ZBTB20: variants seen among roughly 807,000 people sequenced by gnomAD.
ZBTB20 encodes zinc finger and BTB domain containing 20.
ZBTB20 carries 9 observed loss-of-function variants against 56.9 expected under a neutral mutation model. The observed-to-expected ratio is 0.16, with a 90% CI of 0.10 to 0.28. ZBTB20 has a LOEUF of 0.28. ZBTB20 is among the 10% of genes least tolerant of loss of function. The pLI is 1.00. For synonymous variants in ZBTB20, 417 were observed against 420.7 expected, an observed-to-expected ratio of 0.99 and a Z score of 0.11; for missense variants, 655 against 1,003.0, an observed-to-expected ratio of 0.65 and a Z score of 4.69.
intron 6 of ZBTB20, among the ~76,000 whole-genome samples, chr3:114,621,585 TA>T (rs1180757266): frequency 1.3e-5 from 2 of 152,156 alleles, no homozygotes; most frequent in Admixed American, 6.6e-5. Context: ...CTTATTGGGG[TA>T]ACAACAATTC....
chr3:114,647,931 G>A (rs955000320), intron 6 of ZBTB20, among the ~76,000 whole-genome samples: 1 of 152,094 alleles, frequency 6.6e-6, no homozygotes, highest in Admixed American at 6.5e-5. Context: ...TCCAACTTCT[G>A]TCATTGGAAA....
Position 114,487,351 on chromosome 3 carries a change from A to G in ZBTB20, c.-255+13001T>C, listed in dbSNP as rs149658810. On this transcript the variant is annotated intron_variant, in intron 7 of 11. Coordinates refer to ENST00000675478, the MANE Select transcript of ZBTB20 (RefSeq NM_001348800.3). ...TGACTGTTCAGGTAGAGGATAAGCCATTTCCTAGGCCTGGTTCCTTCCATT... is the reference window on the plus strand; with the variant it reads ...TGACTGTTCAGGTAGAGGATAAGCCGTTTCCTAGGCCTGGTTCCTTCCATT... Among the ~76,000 whole-genome samples the G allele has an allele frequency of 3.5e-3, 534 of 152,302 alleles. 1 individual carries two copies. The highest frequency in any genetic ancestry group is 0.014 in the Middle Eastern group (4 of 294).
At chr3:114,620,945 T>G (rs145998852) in intron 6 of ZBTB20, among the ~76,000 whole-genome samples, 162 of 152,298 alleles carry the variant, frequency 1.1e-3, no homozygotes, top group African/African-American at 3.7e-3. Flanking sequence ...TCAGAAAAAT[T>G]ATGGTTGCTG....
At position 114,315,094 on chromosome 3, in the gene ZBTB20, C is replaced by CA. The variant is rs1284852087; in HGVS notation, c.*23910dup. Reference sequence around the variant, plus strand: ...GAGTATAATGAGAAAAAAAAAGGAACAAACTCCCTCTCAAAACTATTGACC... The same window carrying CA: ...GAGTATAATGAGAAAAAAAAAGGAACAAAACTCCCTCTCAAAACTATTGACC... On this transcript the variant is annotated 3_prime_UTR_variant, in exon 12 of 12. Transcript: ENST00000675478. 6.6e-6 allele frequency: 1 copy of CA among 152,042 alleles called. No homozygotes were observed. The highest frequency in any genetic ancestry group is 2.1e-4 in the South Asian group (1 of 4,826). The allele number at this position is 152,042 out of a possible 1,614,324, so 9.4% of individuals were successfully genotyped here.
Position 114,317,574 on chromosome 3 carries a change from C to CA in ZBTB20, c.*21430dup, listed in dbSNP as rs2078735430. 6.6e-6 allele frequency: 1 copy of CA among 152,188 alleles called. No homozygotes were observed. The highest frequency in any genetic ancestry group is 6.5e-5 in the Admixed American group (1 of 15,290). The allele number at this position is 152,188 out of a possible 1,614,324, so 9.4% of individuals were successfully genotyped here. ...AATGCTTTAAATGTCCAAAGAGTGT[C>CA]ATGAAGGGGTTGAAATGTTTGTGTT... On this transcript the variant is annotated 3_prime_UTR_variant, in exon 12 of 12. Transcript: ENST00000675478.
At chr3:114,833,561 A>C (rs1223555518) in intron 4 of ZBTB20, among the ~76,000 whole-genome samples, 3 of 151,490 alleles carry the variant, frequency 2.0e-5, no homozygotes, top group African/African-American at 7.3e-5. Context: ...ATATGGTTTC[A>C]CTCTATCACC....
intron 11 of ZBTB20, among the ~76,000 whole-genome samples, chr3:114,340,140 C>T (rs1347571987): frequency 1.3e-5 from 2 of 151,946 alleles, no homozygotes; most frequent in African/African-American, 2.4e-5. Flanking sequence ...GCTGAGTAGG[C>T]GGTGGGCAAC....
At chr3:114,932,579 C>T (rs2076395628) in intron 3 of ZBTB20, among the ~76,000 whole-genome samples, 1 of 152,226 alleles carries the variant, frequency 6.6e-6, no homozygotes, top group Non-Finnish European at 1.5e-5. Context: ...TAAGTCATCA[C>T]TCTATTTTCT....
chr3:114,431,789 C>T (rs1012763743), intron 7 of ZBTB20, among the ~76,000 whole-genome samples: 2 of 152,160 alleles, frequency 1.3e-5, no homozygotes, highest in African/African-American at 4.8e-5. Flanking sequence ...ACAGCATTGA[C>T]AGCTACTGCA....
chr3:114,941,257 C>A (rs1319786060), intron 3 of ZBTB20, among the ~76,000 whole-genome samples: 3 of 146,184 alleles, frequency 2.1e-5, no homozygotes, highest in Non-Finnish European at 4.4e-5. Context: ...TCACATACTA[C>A]TCTTCATTTA....
chr3:114,855,270 C>A lies in ZBTB20; in HGVS notation c.-417+45034G>T, dbSNP rs541382782. ...TTATTTAATGGAGGTCTTCAAACTA[C>A]TAGTATAGATTGATTTTGTTATTTC... On this transcript the variant is annotated intron_variant, in intron 4 of 11. Coordinates refer to ENST00000675478, the MANE Select transcript of ZBTB20 (RefSeq NM_001348800.3). 2.0e-5 allele frequency among the ~76,000 whole-genome samples: 3 copies of A among 152,206 alleles called. 1 individual carries two copies. In the East Asian group the frequency reaches 5.8e-4, roughly 29 times the overall value.
intron 6 of ZBTB20, among the ~76,000 whole-genome samples, chr3:114,676,095 G>A (rs1402860653): frequency 6.6e-6 from 1 of 152,188 alleles, no homozygotes; most frequent in African/African-American, 2.4e-5. Context: ...TAGGAAGCCA[G>A]ACTCTGTTAC....
intron 5 of ZBTB20, among the ~76,000 whole-genome samples, chr3:114,708,846 G>T (rs545252404): frequency 1.7e-4 from 26 of 152,210 alleles, no homozygotes; most frequent in Admixed American, 1.0e-3. Context: ...TCTGGGTAGA[G>T]AAATTATAAA....
chr3:114,323,137 T>C lies in ZBTB20; in HGVS notation c.*15868A>G, dbSNP rs1431152453. The C allele has an allele frequency of 6.6e-6, 1 of 152,192 alleles. No individual in the cohort carries two copies. Among genetic ancestry groups the C allele is most frequent in the Non-Finnish European group, 1.5e-5 (1 of 68,030 alleles). 9.4% of individuals were successfully genotyped at this position (152,192 alleles called of 1,614,324 possible). ...TTTATTAACAGTTACTAAAGAGCTG[T>C]CAAACTCTGATTACTTCTAAGATTA... On this transcript the variant is annotated 3_prime_UTR_variant, in exon 12 of 12. Transcript: ENST00000675478.
At chr3:115,017,860 T>C (rs746336373) in intron 2 of ZBTB20, among the ~76,000 whole-genome samples, 3 of 151,518 alleles carry the variant, frequency 2.0e-5, no homozygotes, top group Non-Finnish European at 4.4e-5. Context: ...CATACATATA[T>C]ACAACACATA....
Position 114,397,434 on chromosome 3 carries a change from T to C in ZBTB20, c.-254-8329A>G, listed in dbSNP as rs371188376. ...CATTATTTTATTTCCTCAGGATATA[T>C]CTTTTCCCATGTTCCCTTCGTATCT... On this transcript the variant is annotated intron_variant, in intron 7 of 11. Coordinates refer to ENST00000675478, the MANE Select transcript of ZBTB20 (RefSeq NM_001348800.3). Among the ~76,000 whole-genome samples the C allele has an allele frequency of 8.6e-5, 13 of 151,692 alleles. No individual in the cohort carries two copies. The East Asian group carries it at 1.7e-3, about 20-fold the overall frequency.
rs566457651 is a variant in ZBTB20 at position 114,654,854 on chromosome 3, T to C, written c.-295+38674A>G. 2.0e-3 allele frequency among the ~76,000 whole-genome samples: 305 copies of C among 152,348 alleles called. 1 individual carries two copies. Among genetic ancestry groups the C allele is most frequent in the African/African-American group, 7.2e-3 (299 of 41,594 alleles). Reference sequence around the variant, plus strand: ...TTTGTGTCTACATGTTTATGACTTATGCATTCATGATAATTTCACACATAT... The same window carrying C: ...TTTGTGTCTACATGTTTATGACTTACGCATTCATGATAATTTCACACATAT... On this transcript the variant is annotated intron_variant, in intron 6 of 11. Coordinates refer to ENST00000675478, the MANE Select transcript of ZBTB20 (RefSeq NM_001348800.3).
chr3:114,397,321 A>G (rs530456042), intron 7 of ZBTB20, among the ~76,000 whole-genome samples: 2 of 118,622 alleles, frequency 1.7e-5, no homozygotes, highest in Admixed American at 1.6e-4. Flanking sequence ...TCAGTTGATG[A>G]GCTAGCATCC....
At chr3:114,803,104 T>C (rs905301891) in intron 4 of ZBTB20, among the ~76,000 whole-genome samples, 2 of 151,588 alleles carry the variant, frequency 1.3e-5, no homozygotes, top group East Asian at 1.9e-4. Context: ...TCTTCTCCAC[T>C]TTCACTTTCT....
Sources: allele counts gnomAD v4.1 joint callset (sites outside exome capture counted in the v4.1 genomes callset), GRCh38; gene constraint gnomAD v4.1.1; transcripts MANE v1.5; gene names NCBI Gene and HGNC (gene_info 2026-07-23, HGNC 2026-07-21).